Variants in UPK1B observed in about 807,000 individuals in gnomAD.
UPK1B encodes uroplakin 1B.
Under a neutral mutation model 34.2 loss-of-function variants are expected in UPK1B, and 28 were observed. The ratio of observed to expected loss-of-function variants is 0.82; its 90% CI spans 0.61 to 1.12. UPK1B has a LOEUF of 1.12. Among genes scored for constraint, UPK1B ranks in the 50% most tolerant of loss-of-function variants. The pLI is 0.00. For missense variants in UPK1B, 325 were observed against 320.9 expected (o/e 1.01, Z -0.10); for synonymous variants, 81 against 110.4 (o/e 0.73, Z 1.67).
Position 119,179,352 on chromosome 3 carries a change from G to GAGAT in UPK1B, c.-29+5715_-29+5716insGATA, listed in dbSNP as rs2077974640. On this transcript the variant is annotated intron_variant, in intron 1 of 7. Transcript: ENST00000264234. ...AGAGAGAGGGAGAGAGAGAGAGGGA[G>GAGAT]ATATATATATATATATATATATATA... Among the ~76,000 whole-genome samples, 5 of 46,902 alleles carry GAGAT rather than the reference G, an allele frequency of 1.1e-4. No individual in the cohort carries two copies. In the South Asian group the frequency reaches 1.5e-3, roughly 14 times the overall value. 30.8% of individuals were successfully genotyped at this position (46,902 alleles called of 152,430 possible).
At chr3:119,191,211 T>A in intron 5 of UPK1B, 107 bp downstream of exon 5, 6 of 1,300,550 alleles carry the variant, frequency 4.6e-6, no homozygotes, top group Non-Finnish European at 5.3e-6. Context: ...CCATGATGAT[T>A]AGCTTACATT....
rs1273994689 is a variant in UPK1B, at chr3:119,179,328, G to C, written c.-29+5690G>C. Among the ~76,000 whole-genome samples, 39 of 129,068 alleles carry C rather than the reference G, an allele frequency of 3.0e-4. No individual in the cohort carries two copies. In the Admixed American group the frequency reaches 3.4e-3, roughly 11 times the overall value. The allele number at this position is 129,068 out of a possible 152,430, so 84.7% of individuals were successfully genotyped here. A position where few individuals can be genotyped will look rare whatever the true frequency, so the allele number is the denominator to read the frequency against. On this transcript the variant is annotated intron_variant, in intron 1 of 7. Transcript: ENST00000264234. The stretch of plus-strand genomic sequence containing the variant: ...GACACACAAAGACCCTGTTGAGAGA[G>C]AGAGAGGGAGAGAGAGAGAGGGAGA...
At chr3:119,192,713 T>G (rs1179886006) in intron 5 of UPK1B, among the ~76,000 whole-genome samples, 2 of 152,220 alleles carry the variant, frequency 1.3e-5, no homozygotes, top group Non-Finnish European at 2.9e-5. Context: ...TCACACAGGC[T>G]GTCCTTTGTC....
intron 1 of UPK1B, among the ~76,000 whole-genome samples, chr3:119,175,569 C>T (rs1425717331): frequency 1.6e-5 from 2 of 124,226 alleles, no homozygotes; most frequent in Non-Finnish European, 3.2e-5. Flanking sequence ...CCATAGTACT[C>T]CTGCCCTGGA....
At position 119,190,419 on chromosome 3, in the gene UPK1B, AC is replaced by A. The variant is rs1356854585; in HGVS notation, c.345+101del. The stretch of plus-strand genomic sequence containing the variant: ...TATGTGCCCAGGCAATCCAATATGC[AC>A]AGTAATAATACATCTATCATTTTAC... On this transcript the variant is annotated intron_variant, in intron 4 of 7. Coordinates refer to ENST00000264234, the MANE Select transcript of UPK1B (RefSeq NM_006952.4). The A allele has an allele frequency of 1.3e-5, 10 of 793,668 alleles. No homozygotes were observed. In the African/African-American group the frequency reaches 1.7e-4, roughly 14 times the overall value. The allele number at this position is 793,668 out of a possible 1,614,324, so 49.2% of individuals were successfully genotyped here. A position where few individuals can be genotyped will look rare whatever the true frequency, so the allele number is the denominator to read the frequency against.
chr3:119,186,121 C>T (rs2078017088), intron 1 of UPK1B, among the ~76,000 whole-genome samples: 3 of 152,190 alleles, frequency 2.0e-5, no homozygotes, highest in African/African-American at 4.8e-5. Flanking sequence ...TGCGTGCATG[C>T]AAAGCACCTG....
At chr3:119,190,388 C>G (rs1016423065) in intron 4 of UPK1B, 69 bp downstream of exon 4, 1 of 1,207,030 alleles carries the variant, frequency 8.3e-7, no homozygotes, top group African/African-American at 1.5e-5. Flanking sequence ...TGTATTAACC[C>G]CTTACTATGT....
intron 1 of UPK1B, among the ~76,000 whole-genome samples, chr3:119,179,364 T>G (rs1352956146): frequency 6.8e-5 from 3 of 44,142 alleles, no homozygotes; most frequent in African/African-American, 2.3e-4. Flanking sequence ...TATATATATA[T>G]ATATATATAT....
chr3:119,178,057 C>A (rs775593206), intron 1 of UPK1B, among the ~76,000 whole-genome samples: 1 of 140,388 alleles, frequency 7.1e-6, no homozygotes, highest in Non-Finnish European at 1.5e-5. Flanking sequence ...CTAAGCACAG[C>A]ATGGTGGCAT....
At chr3:119,203,339 T>C (rs2078101090) in intron 7 of UPK1B, among the ~76,000 whole-genome samples, 1 of 11,788 alleles carries the variant, frequency 8.5e-5, no homozygotes, top group African/African-American at 3.3e-4. Flanking sequence ...AAACTCCGTC[T>C]CAAAAAAAAA....
rs757067699 is a variant in UPK1B, at chr3:119,188,025, G to C, written c.270+50G>C. 2.5e-6 allele frequency: 4 copies of C among 1,583,208 alleles called. No homozygotes were observed. In the African/African-American group the frequency reaches 5.4e-5, roughly 21 times the overall value. On this transcript the variant is annotated intron_variant, in intron 3 of 7. Transcript: ENST00000264234. ...TTGTCTCCCTGAGCCAATTGTAATG[G>C]ATTCTTTCTTCTTCACTGAGCAATG...
At chr3:119,179,841 T>C (rs1342777754) in intron 1 of UPK1B, among the ~76,000 whole-genome samples, 3 of 76,410 alleles carry the variant, frequency 3.9e-5, no homozygotes, top group Middle Eastern at 9.1e-3. Flanking sequence ...TTTTTTTTTT[T>C]TGAGACGAGT....
chr3:119,191,251 G>C (rs1268197780), intron 5 of UPK1B, 147 bp downstream of exon 5: 1 of 999,928 alleles, frequency 1.0e-6, no homozygotes, highest in Non-Finnish European at 1.4e-6. Flanking sequence ...AGAAACTTAG[G>C]TTAATCATAC....
chr3:119,183,103 G>A (rs932006806), intron 1 of UPK1B, among the ~76,000 whole-genome samples: 6 of 152,124 alleles, frequency 3.9e-5, no homozygotes, highest in African/African-American at 1.4e-4. Context: ...CACTCCAGGT[G>A]TTTCTATTTC....
In UPK1B at chr3:119,184,018, C is replaced by G. The variant is rs564508702; in HGVS notation, c.-28-2696C>G. 1.4e-4 allele frequency among the ~76,000 whole-genome samples: 22 copies of G among 152,298 alleles called. No individual in the cohort carries two copies. The South Asian group carries it at 4.6e-3, about 32-fold the overall frequency. ...CTGACATATCACCACCTTCCAATAA[C>G]CAACCCACAGCTGGGCTGCCTCCCT... On this transcript the variant is annotated intron_variant, in intron 1 of 7. Transcript: ENST00000264234.
At chr3:119,200,048 CAGTT>C (rs2078084673) in intron 7 of UPK1B, among the ~76,000 whole-genome samples, 2 of 152,134 alleles carry the variant, frequency 1.3e-5, no homozygotes, top group East Asian at 1.9e-4. Flanking sequence ...AAATAGAAGA[CAGTT>C]AGATTCTCAT....
chr3:119,190,352 A>G (rs768460211), intron 4 of UPK1B, 33 bp downstream of exon 4: 1 of 1,518,478 alleles, frequency 6.6e-7, no homozygotes, highest in Non-Finnish European at 9.1e-7. Context: ...AAATAATATG[A>G]ATTATCATTA....
intron 3 of UPK1B, among the ~76,000 whole-genome samples, chr3:119,189,849 G>A (rs932112664): frequency 2.0e-5 from 3 of 152,228 alleles, no homozygotes; most frequent in Admixed American, 6.5e-5. Flanking sequence ...TATACTGTAT[G>A]TGATACACTA....
At chr3:119,177,468 C>T (rs1559899547) in intron 1 of UPK1B, among the ~76,000 whole-genome samples, 1 of 152,218 alleles carries the variant, frequency 6.6e-6, no homozygotes, top group Non-Finnish European at 1.5e-5. Context: ...CACTTTCTCT[C>T]TGTGAGCCTT....
Sources: gnomAD v4.1 joint callset for allele counts (sites outside exome capture counted in the v4.1 genomes callset) on GRCh38, gnomAD v4.1.1 for gene constraint, MANE v1.5 for transcripts, NCBI Gene and HGNC (gene_info 2026-07-23, HGNC 2026-07-21) for gene names.